RBFOX1: variants seen among roughly 807,000 people sequenced by gnomAD.
The protein encoded by RBFOX1 is RNA binding protein fox-1 homolog 1.
A neutral mutation model predicts 57.7 loss-of-function variants in RBFOX1; 8 were observed. The observed-to-expected ratio is 0.14, with a 90% CI of 0.08 to 0.25. The LOEUF (loss-of-function observed/expected upper bound fraction) is 0.25. Among genes scored for constraint, RBFOX1 ranks in the 10% least tolerant of loss-of-function variants. The pLI, the probability that RBFOX1 is intolerant of heterozygous loss-of-function variation, is 1.00. For synonymous variants in RBFOX1, 326 were observed against 222.4 expected (o/e 1.47, Z -4.15); for missense variants, 611 against 548.5 (o/e 1.11, Z -1.14).
At chr16:6,417,911 T>G (rs2093669798) in intron 2 of RBFOX1, among the ~76,000 whole-genome samples, 1 of 152,118 alleles carries the variant, frequency 6.6e-6, no homozygotes, top group African/African-American at 2.4e-5. Context: ...AGAAAGGATG[T>G]ATGTTTTCCC....
At chr16:7,134,236 A>G (rs1484759761) in intron 4 of RBFOX1, among the ~76,000 whole-genome samples, 3 of 152,198 alleles carry the variant, frequency 2.0e-5, no homozygotes, top group Admixed American at 6.5e-5. Context: ...ATGGTGATCA[A>G]TAGAGCTGTG....
At chr16:5,882,295 A>G in intron 4 of RBFOX1, among the ~76,000 whole-genome samples, 1 of 152,210 alleles carries the variant, frequency 6.6e-6, no homozygotes, top group East Asian at 1.9e-4. Flanking sequence ...CAGTCACCTT[A>G]AGAAACTTGT....
intron 1 of RBFOX1, among the ~76,000 whole-genome samples, chr16:6,250,737 C>T (rs913723059): frequency 6.6e-6 from 1 of 152,132 alleles, no homozygotes. Flanking sequence ...AGAACCAGGG[C>T]ACTTCCCAGC....
intron 1 of RBFOX1, among the ~76,000 whole-genome samples, chr16:5,346,060 C>A (rs980895062): frequency 3.3e-5 from 5 of 152,202 alleles, no homozygotes; most frequent in African/African-American, 9.6e-5. Flanking sequence ...CTGAAAGGCT[C>A]TTTGCCTTCC....
At chr16:7,161,782 G>T (rs1022783501) in intron 4 of RBFOX1, among the ~76,000 whole-genome samples, 1 of 152,128 alleles carries the variant, frequency 6.6e-6, no homozygotes, top group Non-Finnish European at 1.5e-5. Context: ...ATTTATAGAG[G>T]TGATTTCAGC....
intron 3 of RBFOX1, among the ~76,000 whole-genome samples, chr16:5,867,150 ATGTGTGTGTG>A (rs113977862): frequency 2.0e-5 from 3 of 149,210 alleles, no homozygotes; most frequent in South Asian, 2.2e-4. Context: ...AAGAAAATGC[ATGTGTGTGTG>A]TGTGTGTGTG....
At chr16:6,389,263 A>G (rs901924117) in intron 2 of RBFOX1, among the ~76,000 whole-genome samples, 3 of 152,210 alleles carry the variant, frequency 2.0e-5, no homozygotes, top group Non-Finnish European at 4.4e-5. Flanking sequence ...GGAGAGAATA[A>G]TGAAACGACA....
At chr16:6,379,414 C>G (rs2091557289) in intron 2 of RBFOX1, among the ~76,000 whole-genome samples, 3 of 152,100 alleles carry the variant, frequency 2.0e-5, no homozygotes, top group African/African-American at 4.8e-5. Flanking sequence ...GCCCCCGCCC[C>G]CCTACTTTCA....
intron 3 of RBFOX1, among the ~76,000 whole-genome samples, chr16:6,903,124 G>C (rs945786019): frequency 6.6e-6 from 1 of 152,182 alleles, no homozygotes; most frequent in Non-Finnish European, 1.5e-5. Context: ...CGATTCTGAA[G>C]CCATCATAAG....
intron 1 of RBFOX1, among the ~76,000 whole-genome samples, chr16:6,270,460 C>CAAAAAAAAAAAAAAAAAAA (rs60224616): frequency 8.7e-6 from 1 of 114,556 alleles, no homozygotes; most frequent in Non-Finnish European, 2.0e-5. Context: ...GATTTAAGAG[C>CAAAAAAAAAAAAAAAAAAA]AAAAAAAAAA....
At chr16:5,524,830 C>T (rs966787319) in intron 2 of RBFOX1, among the ~76,000 whole-genome samples, 3 of 152,052 alleles carry the variant, frequency 2.0e-5, no homozygotes, top group African/African-American at 7.2e-5. Context: ...CGTGAGACAC[C>T]GCACCCGGCC....
chr16:6,731,043 G>C (rs2068454837), intron 3 of RBFOX1, among the ~76,000 whole-genome samples: 1 of 152,148 alleles, frequency 6.6e-6, no homozygotes, highest in Non-Finnish European at 1.5e-5. Context: ...ACCCAGATCA[G>C]AAGCCAGATT....
Position 5,385,386 on chromosome 16 carries a change from A to G in RBFOX1, c.220-81830A>G, listed in dbSNP as rs558815273. ...CAGAGAGGATGTAAAATATTTCCCT[A>G]ATGTATTGGATTAAAATGTCACTCC... On this transcript the variant is annotated intron_variant, in intron 1 of 2. Transcript: ENST00000585867. 1.2e-3 allele frequency among the ~76,000 whole-genome samples: 178 copies of G among 152,312 alleles called. 2 individuals are homozygous for G. The highest frequency in any genetic ancestry group is 4.0e-3 in the African/African-American group (167 of 41,564).
In RBFOX1 at chr16:6,019,718, G is replaced by T. The variant is rs1409503225; in HGVS notation, c.-401G>T. 1 of 1,369,806 alleles carries T rather than the reference G, an allele frequency of 7.3e-7. No individual in the cohort carries two copies. 84.9% of individuals were successfully genotyped at this position (1,369,806 alleles called of 1,614,324 possible). A position where few individuals can be genotyped will look rare whatever the true frequency, so the allele number is the denominator to read the frequency against. On this transcript the variant is annotated 5_prime_UTR_variant, in exon 1 of 16. Coordinates refer to ENST00000550418, the MANE Select transcript of RBFOX1 (RefSeq NM_018723.4). The surrounding 1 kb of genome is among the most constrained non-coding windows in gnomAD (Gnocchi z 4.2). ...TTGCCCAGGCAGAGAGAGCAGGAGC[G>T]GACCGCGCGCCCGGGATTGAGAGTC...
chr16:7,300,789 G>A (rs2096012417), intron 4 of RBFOX1, among the ~76,000 whole-genome samples: 1 of 152,178 alleles, frequency 6.6e-6, no homozygotes, highest in Non-Finnish European at 1.5e-5. Context: ...TTGGGTAGTT[G>A]CCTTCTGCCT....
chr16:6,024,651 GC>G (rs2095151539), intron 1 of RBFOX1, among the ~76,000 whole-genome samples: 1 of 152,140 alleles, frequency 6.6e-6, no homozygotes. Flanking sequence ...GCCACGCCTG[GC>G]TAGTGTTTGT....
At chr16:7,023,025 A>C (rs947406054) in intron 3 of RBFOX1, among the ~76,000 whole-genome samples, 2 of 152,214 alleles carry the variant, frequency 1.3e-5, no homozygotes, top group African/African-American at 2.4e-5. Context: ...GAAGGTTGAA[A>C]AATAAGAAGG....
At chr16:7,003,600 G>A (rs1007448144) in intron 3 of RBFOX1, among the ~76,000 whole-genome samples, 2 of 152,080 alleles carry the variant, frequency 1.3e-5, no homozygotes, top group African/African-American at 4.8e-5. Context: ...TACCTCTGGA[G>A]AAAAACTAAC....
intron 5 of RBFOX1, among the ~76,000 whole-genome samples, chr16:7,533,997 A>G (rs1262342830): frequency 1.3e-5 from 2 of 152,132 alleles, no homozygotes; most frequent in Admixed American, 6.5e-5. Flanking sequence ...ACGGTTGTGT[A>G]AATTGTTCCA....
Sources: allele counts gnomAD v4.1 joint callset (sites outside exome capture counted in the v4.1 genomes callset), GRCh38; gene constraint gnomAD v4.1.1; non-coding constraint Gnocchi (gnomAD v3.1); transcripts MANE v1.5; gene names NCBI Gene and HGNC (gene_info 2026-07-23, HGNC 2026-07-21).